Variants in MSH3 observed in about 807,000 individuals in gnomAD.
MSH3 encodes the protein DNA mismatch repair protein Msh3.
A neutral mutation model predicts 123.3 loss-of-function variants in MSH3; 106 were observed. The observed-to-expected ratio is 0.86, with a 90% CI of 0.73 to 1.01. The LOEUF is 1.01. MSH3 is among the 50% of genes least tolerant of loss of function. The pLI, the probability that MSH3 is intolerant of heterozygous loss-of-function variation, is 0.00. For missense variants in MSH3, 1,459 were observed against 1,347.6 expected (o/e 1.08, Z -1.29); for synonymous variants, 515 against 481.4 (o/e 1.07, Z -0.91).
intron 8 of MSH3, among the ~76,000 whole-genome samples, chr5:80,699,879 C>T (rs1329179757): frequency 6.6e-6 from 1 of 152,184 alleles, no homozygotes; most frequent in Non-Finnish European, 1.5e-5. Context: ...TAACTAGGCA[C>T]TAGCCTCCCC....
At chr5:80,715,324 G>C (rs1026893353) in intron 8 of MSH3, 1 of 152,206 alleles carries the variant, frequency 6.6e-6, no homozygotes, top group Non-Finnish European at 1.5e-5. Context: ...CTAGTGAGCA[G>C]AGCCATTTCA....
At chr5:80,771,655 A>G (rs1440700885) in intron 15 of MSH3, among the ~76,000 whole-genome samples, 2 of 152,128 alleles carry the variant, frequency 1.3e-5, no homozygotes, top group Non-Finnish European at 2.9e-5. Context: ...TTTTATTTCT[A>G]TACATATGTC....
rs772150633 is a variant in MSH3, at chr5:80,741,102, A to G, written c.1569-362A>G. On this transcript the variant is annotated intron_variant, in intron 10 of 23. Coordinates refer to ENST00000265081, the MANE Select transcript of MSH3 (RefSeq NM_002439.5). Reference sequence around the variant, plus strand: ...TTTAAGTATCTTGACATATTTTTCTAGCTGATTACACAGCTTTTCATGAAG... The same window carrying G: ...TTTAAGTATCTTGACATATTTTTCTGGCTGATTACACAGCTTTTCATGAAG... Among the ~76,000 whole-genome samples the G allele has an allele frequency of 5.6e-4, 86 of 152,226 alleles. 1 individual carries two copies. Among genetic ancestry groups the G allele is most frequent in the Non-Finnish European group, 3.1e-4 (21 of 68,040 alleles).
chr5:80,729,524 A>G (rs1485200972), intron 10 of MSH3, among the ~76,000 whole-genome samples: 1 of 150,742 alleles, frequency 6.6e-6, no homozygotes, highest in Non-Finnish European at 1.5e-5. Flanking sequence ...GCTATTTGAT[A>G]TATTATAGTT....
intron 8 of MSH3, among the ~76,000 whole-genome samples, chr5:80,718,791 A>G (rs1197736494): frequency 2.0e-5 from 3 of 152,052 alleles, no homozygotes; most frequent in Non-Finnish European, 2.9e-5. Context: ...TTAAAGTATC[A>G]TTATGAACCC....
chr5:80,709,660 CT>C (rs1409073819), intron 8 of MSH3, among the ~76,000 whole-genome samples: 2 of 152,136 alleles, frequency 1.3e-5, no homozygotes, highest in African/African-American at 4.8e-5. Context: ...TTTTTAACAA[CT>C]TTTGTTAATT....
At chr5:80,727,096 G>T (rs767600465) in intron 9 of MSH3, among the ~76,000 whole-genome samples, 1 of 152,160 alleles carries the variant, frequency 6.6e-6, no homozygotes, top group Admixed American at 6.6e-5. Flanking sequence ...CAAAAGACAC[G>T]CCAGTTGACA....
chr5:80,678,464 G>T (rs1162582588), intron 7 of MSH3, among the ~76,000 whole-genome samples: 1 of 152,162 alleles, frequency 6.6e-6, no homozygotes, highest in Non-Finnish European at 1.5e-5. Flanking sequence ...CTACAGTACT[G>T]GTGGTCTGGT....
chr5:80,875,256 T>C (rs1746286266), intron 23 of MSH3, among the ~76,000 whole-genome samples: 1 of 152,118 alleles, frequency 6.6e-6, no homozygotes, highest in Admixed American at 6.6e-5. Context: ...GAGCAGTAAT[T>C]GGAACTCAGG....
chr5:80,739,811 T>C (rs1743579481), intron 10 of MSH3, among the ~76,000 whole-genome samples: 1 of 152,206 alleles, frequency 6.6e-6, no homozygotes, highest in Admixed American at 6.5e-5. Flanking sequence ...TTTGGGGCCT[T>C]AGTCAAAGGA....
intron 8 of MSH3, among the ~76,000 whole-genome samples, chr5:80,714,680 C>T (rs550144268): frequency 2.0e-5 from 3 of 152,136 alleles, no homozygotes; most frequent in Non-Finnish European, 4.4e-5. Context: ...GTTTCTAAAT[C>T]CTTATCTGCT....
At chr5:80,720,630 A>AT (rs1580584418) in intron 8 of MSH3, among the ~76,000 whole-genome samples, 5 of 151,984 alleles carry the variant, frequency 3.3e-5, no homozygotes, top group Non-Finnish European at 7.4e-5. Flanking sequence ...TTTCTTAATA[A>AT]TTTTTTTAAC....
At chr5:80,875,491 G>T (rs1433731041) in intron 23 of MSH3, among the ~76,000 whole-genome samples, 1 of 152,142 alleles carries the variant, frequency 6.6e-6, no homozygotes, top group Non-Finnish European at 1.5e-5. Context: ...AGGAGGTCAG[G>T]TTCTCCCCTC....
rs34563417 is a variant in MSH3 at position 80,662,840 on chromosome 5, A to AAAATT, written c.359-2303_359-2302insAAATT. ...AGACTCTGTCTCAAAAAAAAAAAAA[A>AAAATT]TTTTATTTGGGAAGCAAGAATTGCA... is the stretch of plus-strand genomic sequence containing the variant. On this transcript the variant is annotated intron_variant, in intron 2 of 23. Coordinates refer to ENST00000265081, the MANE Select transcript of MSH3 (RefSeq NM_002439.5). Among the ~76,000 whole-genome samples the AAAATT allele has an allele frequency of 5.0e-4, 75 of 149,544 alleles. 1 individual carries two copies. The highest frequency in any genetic ancestry group is 3.4e-3 in the Middle Eastern group (1 of 294).
intron 20 of MSH3, among the ~76,000 whole-genome samples, chr5:80,837,538 A>T (rs908088845): frequency 6.6e-6 from 1 of 152,128 alleles, no homozygotes; most frequent in Non-Finnish European, 1.5e-5. Flanking sequence ...AGATCGTACC[A>T]TTGTACTCCA....
chr5:80,762,594 T>C (rs543536572), intron 13 of MSH3, among the ~76,000 whole-genome samples: 20 of 151,884 alleles, frequency 1.3e-4, no homozygotes, highest in Non-Finnish European at 2.5e-4. Flanking sequence ...GATGCTATCA[T>C]GTTTGATGTA....
chr5:80,808,589 A>C (rs367782756), intron 19 of MSH3, among the ~76,000 whole-genome samples: 23 of 152,104 alleles, frequency 1.5e-4, no homozygotes, highest in Admixed American at 5.9e-4. Flanking sequence ...GTGAAGTCTA[A>C]ATTTTTATAT....
intron 8 of MSH3, among the ~76,000 whole-genome samples, chr5:80,704,394 T>C (rs1285644161): frequency 6.6e-6 from 1 of 152,260 alleles, no homozygotes; most frequent in African/African-American, 2.4e-5. Flanking sequence ...TATGGGTTTC[T>C]TTGTTGTAAC....
intron 8 of MSH3, among the ~76,000 whole-genome samples, chr5:80,709,209 ATGTGTG>A (rs139977038): frequency 8.8e-4 from 130 of 147,098 alleles, no homozygotes; most frequent in South Asian, 2.6e-3. Flanking sequence ...TAAAATAGAT[ATGTGTG>A]TGTGTGTGTG....
Sources: gnomAD v4.1 joint callset for allele counts (sites outside exome capture counted in the v4.1 genomes callset) on GRCh38, gnomAD v4.1.1 for gene constraint, MANE v1.5 for transcripts, NCBI Gene and HGNC (gene_info 2026-07-23, HGNC 2026-07-21) for gene names.